Variants in ERG28 observed in about 807,000 individuals in gnomAD.
ERG28 encodes the protein ergosterol biosynthesis 28 homolog, also known as ergosterol biosynthetic protein 28 homolog.
A neutral mutation model predicts 15.7 loss-of-function variants in ERG28; 9 were observed. That is an observed-to-expected ratio of 0.57 (90% CI 0.35 to 1.00). The LOEUF (loss-of-function observed/expected upper bound fraction) is 1.00, where lower values mean the gene tolerates loss of function less well. ERG28 is among the 50% of genes least tolerant of loss of function. ERG28 has a pLI of 0.02. For synonymous variants in ERG28, 61 were observed against 68.4 expected (o/e 0.89, Z 0.53); for missense variants, 117 against 173.3 (o/e 0.68, Z 1.82).
At chr14:75,654,209 A>G (rs1394189187) in intron 3 of ERG28, among the ~76,000 whole-genome samples, 1 of 152,232 alleles carries the variant, frequency 6.6e-6, no homozygotes, top group East Asian at 1.9e-4. Context: ...ATAAGACAGA[A>G]AAACATTTTA....
intron 1 of ERG28, 126 bp from the exon 2 acceptor site, chr14:75,657,659 CA>C: frequency 1.3e-6 from 1 of 796,472 alleles, no homozygotes; most frequent in South Asian, 1.9e-5. Flanking sequence ...GGTGAATGAA[CA>C]GTATACTTTG....
At chr14:75,654,761 T>C in intron 3 of ERG28, 125 bp downstream of exon 3, 2 of 1,067,970 alleles carry the variant, frequency 1.9e-6, no homozygotes, top group Non-Finnish European at 2.8e-6. Context: ...TGTGAGTTTT[T>C]TATTATTCAC....
chr14:75,656,285 C>T (rs1395212911), intron 2 of ERG28, among the ~76,000 whole-genome samples: 1 of 102,248 alleles, frequency 9.8e-6, no homozygotes, highest in Non-Finnish European at 1.9e-5. Context: ...GCTGAACACA[C>T]ACACACACAC....
chr14:75,660,778 G>A lies in ERG28; in HGVS notation c.-35C>T, dbSNP rs1890682276. 6.6e-6 allele frequency: 1 copy of A among 152,498 alleles called. No homozygotes were observed. The highest frequency in any genetic ancestry group is 1.5e-5 in the Non-Finnish European group (1 of 68,574). The allele number at this position is 152,498 out of a possible 1,614,324, so 9.4% of individuals were successfully genotyped here. ...TTCTCCCCCATATTCTCCTTACCTG[G>A]CGACCGGGCCCCCAGCACAGCAGTG... On this transcript the variant is annotated 5_prime_UTR_variant, in exon 1 of 5. Coordinates refer to ENST00000256319, the MANE Select transcript of ERG28 (RefSeq NM_007176.4).
intron 1 of ERG28, among the ~76,000 whole-genome samples, chr14:75,658,977 A>G (rs552990570): frequency 6.6e-6 from 1 of 152,336 alleles, no homozygotes; most frequent in African/African-American, 2.4e-5. Context: ...CGAAGGAAAC[A>G]GCAATCTTGG....
intron 2 of ERG28, among the ~76,000 whole-genome samples, chr14:75,655,968 C>T (rs1485758248): frequency 6.6e-6 from 1 of 152,102 alleles, no homozygotes. Flanking sequence ...AGGATTTTTC[C>T]AGCCTTTGGA....
rs143288971 is a variant in ERG28 at position 75,651,865 on chromosome 14, G to A, written c.249C>T (p.Thr83=). The change falls in exon 4 of 5, where the codon ACC becomes ACT. Residue 83 remains threonine, a synonymous_variant. Transcript: ENST00000256319. ...GGAAATGCCCCAGGGCAAGGAGGAA[G>A]GTCCAGAGTGTGATGTGATAGAGCC... ...NKTLYHITLW[T]FLLALGHFLS... is the part of the protein sequence containing the mutation. 6 of 1,613,294 alleles carry A rather than the reference G, an allele frequency of 3.7e-6. No homozygotes were observed. The highest frequency in any genetic ancestry group is 5.1e-6 in the Non-Finnish European group (6 of 1,179,342).
intron 1 of ERG28, among the ~76,000 whole-genome samples, chr14:75,660,463 T>C (rs918634648): frequency 7.9e-5 from 12 of 152,150 alleles, no homozygotes; most frequent in Non-Finnish European, 1.8e-4. Flanking sequence ...ATCTGCAAAA[T>C]GGAGATAGAA....
intron 2 of ERG28, among the ~76,000 whole-genome samples, chr14:75,657,019 C>CTT (rs3214359): frequency 3.8e-4 from 51 of 133,102 alleles, no homozygotes; most frequent in African/African-American, 1.2e-3. Context: ...CCTTATAATG[C>CTT]TTTTTTTTTT....
intron 3 of ERG28, among the ~76,000 whole-genome samples, chr14:75,653,114 C>T (rs1890550769): frequency 6.6e-6 from 1 of 151,920 alleles, no homozygotes; most frequent in Non-Finnish European, 1.5e-5. Flanking sequence ...AGAAGCCACC[C>T]GCGCCTGGCC....
At chr14:75,658,274 A>C (rs1890623262) in intron 1 of ERG28, among the ~76,000 whole-genome samples, 1 of 152,372 alleles carries the variant, frequency 6.6e-6, no homozygotes, top group East Asian at 1.9e-4. Context: ...ATTATAAACA[A>C]GACCTAAGGC....
At position 75,654,881 on chromosome 14, in the gene ERG28, C is replaced by T. The variant is rs1890577120; in HGVS notation, c.224+5G>A. Reference sequence around the variant, plus strand: ...GATGCTAAAGCTCTTCCTTCCCTTACATACGTCTTGTTGTGAATGTCAATG... The same window carrying T: ...GATGCTAAAGCTCTTCCTTCCCTTATATACGTCTTGTTGTGAATGTCAATG... On this transcript the variant is annotated splice_donor_5th_base_variant and intron_variant, in intron 3 of 4. Transcript: ENST00000256319. 6.2e-7 allele frequency: 1 copy of T among 1,609,050 alleles called. No individual in the cohort carries two copies. Among genetic ancestry groups the T allele is most frequent in the Non-Finnish European group, 8.5e-7 (1 of 1,175,450 alleles).
At chr14:75,653,948 A>T (rs77208725) in intron 3 of ERG28, among the ~76,000 whole-genome samples, 15 of 29,486 alleles carry the variant, frequency 5.1e-4, no homozygotes, top group African/African-American at 2.5e-3. Flanking sequence ...TTGAAAAAAA[A>T]TTAAAAAAAA....
intron 3 of ERG28, among the ~76,000 whole-genome samples, chr14:75,653,739 C>G (rs939005323): frequency 6.6e-6 from 1 of 152,058 alleles, no homozygotes; most frequent in East Asian, 1.9e-4. Flanking sequence ...ATTGTTCAAT[C>G]CTCCCTTCCT....
At chr14:75,653,459 G>A (rs1213009877) in intron 3 of ERG28, among the ~76,000 whole-genome samples, 1 of 151,734 alleles carries the variant, frequency 6.6e-6, no homozygotes, top group East Asian at 1.9e-4. Flanking sequence ...AAAATTAGAG[G>A]GGCATGGTGG....
At chr14:75,652,981 G>A (rs1037427837) in intron 3 of ERG28, among the ~76,000 whole-genome samples, 3 of 151,740 alleles carry the variant, frequency 2.0e-5, no homozygotes, top group Non-Finnish European at 2.9e-5. Context: ...ACACCACCAC[G>A]CCCAGCTAAT....
In ERG28 at chr14:75,651,424, T is replaced by TA. The variant is rs984178879; in HGVS notation, c.*130dup. ...ATGCATATCTTTAAATTTTAAAAAT[T>TA]AAAAAAAGAGGCTAAAAGTGAATAA... On this transcript the variant is annotated 3_prime_UTR_variant, in exon 5 of 5. Coordinates refer to ENST00000256319, the MANE Select transcript of ERG28 (RefSeq NM_007176.4). The TA allele has an allele frequency of 3.4e-6, 3 of 881,388 alleles. No homozygotes were observed. The highest frequency in any genetic ancestry group is 2.4e-5 in the Admixed American group (1 of 42,004). 54.6% of individuals were successfully genotyped at this position (881,388 alleles called of 1,614,324 possible). A position where few individuals can be genotyped will look rare whatever the true frequency, so the allele number is the denominator to read the frequency against.
intron 1 of ERG28, 53 bp downstream of exon 1, chr14:75,660,722 A>G (rs779762684): frequency 2.0e-5 from 3 of 152,060 alleles, no homozygotes; most frequent in African/African-American, 7.3e-5. Flanking sequence ...GATCCTCTCA[A>G]TCAGAAGCAA....
rs1890523955 is a variant in ERG28, at chr14:75,651,390, C to T, written c.*165G>A. ...TTAAATTGTACGTACATGTTATATA[C>T]TTTTCAGTATGCATATCTTTAAATT... On this transcript the variant is annotated 3_prime_UTR_variant, in exon 5 of 5. Coordinates refer to ENST00000256319, the MANE Select transcript of ERG28 (RefSeq NM_007176.4). The T allele has an allele frequency of 3.3e-6, 2 of 605,568 alleles. No homozygotes were observed. Among genetic ancestry groups the T allele is most frequent in the African/African-American group, 3.7e-5 (2 of 53,944 alleles). The allele number at this position is 605,568 out of a possible 1,614,324, so 37.5% of individuals were successfully genotyped here.
Sources: gnomAD v4.1 joint callset for allele counts (sites outside exome capture counted in the v4.1 genomes callset) on GRCh38, gnomAD v4.1.1 for gene constraint, MANE v1.5 for transcripts, NCBI Gene and HGNC (gene_info 2026-07-23, HGNC 2026-07-21) for gene names.